The following HPGD variants were observed in gnomAD, a reference collection of about 807,000 sequenced individuals.
HPGD encodes 15-hydroxyprostaglandin dehydrogenase [NAD(+)].
Under a neutral mutation model 30.0 loss-of-function variants are expected in HPGD, and 29 were observed. That is an observed-to-expected ratio of 0.97 (90% CI 0.72 to 1.32). The LOEUF is 1.32. Among genes scored for constraint, HPGD ranks in the 40% most tolerant of loss-of-function variants. The pLI, the probability that HPGD is intolerant of heterozygous loss-of-function variation, is 0.00. For missense variants in HPGD, 340 were observed against 322.1 expected (o/e 1.06, Z -0.43); for synonymous variants, 99 against 112.4 (o/e 0.88, Z 0.75).
intron 4 of HPGD, among the ~76,000 whole-genome samples, chr4:174,501,423 C>G (rs922642474): frequency 2.0e-5 from 3 of 152,054 alleles, no homozygotes; most frequent in African/African-American, 4.8e-5. Flanking sequence ...TGTGAGAAAT[C>G]CTGTGTGCTT....
chr4:174,504,884 A>G (rs2110817957), intron 4 of HPGD, among the ~76,000 whole-genome samples: 2 of 152,328 alleles, frequency 1.3e-5, no homozygotes, highest in South Asian at 2.1e-4. Context: ...AGATGTTTTA[A>G]TGGAGCATAG....
At chr4:174,512,518 A>G (rs780419493) in intron 3 of HPGD, among the ~76,000 whole-genome samples, 1 of 152,236 alleles carries the variant, frequency 6.6e-6, no homozygotes, top group East Asian at 1.9e-4. Flanking sequence ...ATGGAATTGT[A>G]TAAGACCCAA....
In HPGD at chr4:174,493,262, C is replaced by T; in HGVS notation, c.551G>A (p.Gly184Asp). The change falls in exon 6 of 7, where the codon GGC becomes GAC. Residue 184 changes from glycine (G) to aspartate (D), a missense_variant. By Grantham distance (94) the Gly-to-Asp change is moderately conservative. Coordinates refer to ENST00000296522, the MANE Select transcript of HPGD (RefSeq NM_000860.6). Reference protein sequence around the residue: ...SGVRLNAICPGFVNTAILESI... With the variant: ...SGVRLNAICPDFVNTAILESI... ...TTCAAGGATGGCTGTGTTAACAAAG[C>T]CTGGACAAATGGCATTCAGTCTCAC... 6.2e-7 allele frequency: 1 copy of T among 1,613,274 alleles called. No individual in the cohort carries two copies. Among genetic ancestry groups the T allele is most frequent in the African/African-American group, 1.3e-5 (1 of 74,978 alleles).
chr4:174,495,200 G>T (rs968833602), intron 5 of HPGD, among the ~76,000 whole-genome samples: 2 of 151,934 alleles, frequency 1.3e-5, no homozygotes, highest in Admixed American at 6.6e-5. Context: ...TATCTCTGGT[G>T]ACAAATAATG....
At chr4:174,516,409 T>G (rs1332428168) in intron 3 of HPGD, among the ~76,000 whole-genome samples, 1 of 152,102 alleles carries the variant, frequency 6.6e-6, no homozygotes, top group Non-Finnish European at 1.5e-5. Context: ...TACCTCATGT[T>G]CTCACTTACA....
chr4:174,500,291 C>T (rs192707102), intron 4 of HPGD, among the ~76,000 whole-genome samples: 2 of 152,320 alleles, frequency 1.3e-5, no homozygotes. Flanking sequence ...GAAACAAGAA[C>T]TCCAATTCAT....
rs904382491 is a variant in HPGD at position 174,493,085 on chromosome 4, T to C, written c.662+66A>G. The C allele has an allele frequency of 3.7e-5, 52 of 1,396,038 alleles. No homozygotes were observed. The Admixed American group carries it at 1.0e-3, about 28-fold the overall frequency. 86.5% of individuals were successfully genotyped at this position (1,396,038 alleles called of 1,614,324 possible). A position where few individuals can be genotyped will look rare whatever the true frequency, so the allele number is the denominator to read the frequency against. On this transcript the variant is annotated intron_variant, in intron 6 of 6. Coordinates refer to ENST00000296522, the MANE Select transcript of HPGD (RefSeq NM_000860.6). ...ACTGTATAAGCTTATTTCTTCCCTTTTTATAGCTTATCTAAATAATGCTTT... is the reference window on the plus strand; with the variant it reads ...ACTGTATAAGCTTATTTCTTCCCTTCTTATAGCTTATCTAAATAATGCTTT...
intron 4 of HPGD, 84 bp downstream of exon 4, chr4:174,508,612 T>C: frequency 1.2e-6 from 1 of 831,480 alleles, no homozygotes; most frequent in Middle Eastern, 2.5e-4. Flanking sequence ...CTTGAGCTGA[T>C]AATAAATATG....
chr4:174,506,566 C>T (rs972494708), intron 4 of HPGD, among the ~76,000 whole-genome samples: 3 of 152,180 alleles, frequency 2.0e-5, no homozygotes, highest in Admixed American at 6.5e-5. Context: ...AGATATTTCA[C>T]ACTTCTCCTG....
rs544989121 is a variant in HPGD at position 174,491,889 on chromosome 4, A to T, written c.*67T>A. 34 of 1,340,516 alleles carry T rather than the reference A, an allele frequency of 2.5e-5. No homozygotes were observed. Among genetic ancestry groups the T allele is most frequent in the Non-Finnish European group, 3.6e-5 (34 of 933,542 alleles). 83.0% of individuals were successfully genotyped at this position (1,340,516 alleles called of 1,614,324 possible). On this transcript the variant is annotated 3_prime_UTR_variant, in exon 7 of 7. Coordinates refer to ENST00000296522, the MANE Select transcript of HPGD (RefSeq NM_000860.6). Reference sequence around the variant, plus strand: ...ACATTTCATTTAAAAGCTATATTCAAATGAAGATAGGATCTGAATATAAGC... The same window carrying T: ...ACATTTCATTTAAAAGCTATATTCATATGAAGATAGGATCTGAATATAAGC...
intron 3 of HPGD, among the ~76,000 whole-genome samples, chr4:174,509,948 A>G (rs1735395865): frequency 6.6e-6 from 1 of 151,936 alleles, no homozygotes; most frequent in Non-Finnish European, 1.5e-5. Flanking sequence ...GTGTGATCAA[A>G]TTGATATTTC....
intron 2 of HPGD, 103 bp downstream of exon 2, chr4:174,521,841 G>A: frequency 6.0e-6 from 8 of 1,322,820 alleles, no homozygotes; most frequent in Non-Finnish European, 8.7e-6. Flanking sequence ...TGCTCTCGAG[G>A]AGGCAGCGGA....
chr4:174,495,328 T>A (rs973602026), intron 5 of HPGD: 62 of 569,794 alleles, frequency 1.1e-4, no homozygotes, highest in Middle Eastern at 9.5e-4. Flanking sequence ...ACATTTTTTT[T>A]AAATAACACA....
At chr4:174,505,702 A>G (rs562465721) in intron 4 of HPGD, among the ~76,000 whole-genome samples, 130 of 152,290 alleles carry the variant, frequency 8.5e-4, no homozygotes, top group Non-Finnish European at 1.4e-3. Flanking sequence ...TGGGAAAGGA[A>G]GTAGACTGTC....
intron 1 of HPGD, 51 bp from the exon 2 acceptor site, chr4:174,522,118 C>T (rs754637884): frequency 1.9e-6 from 3 of 1,613,176 alleles, no homozygotes; most frequent in East Asian, 2.2e-5. Context: ...ACGAAATAGA[C>T]GGACAAACAA....
intron 4 of HPGD, among the ~76,000 whole-genome samples, chr4:174,500,149 G>A (rs6835564): frequency 0.67 from 102,375 of 152,058 alleles, 35,539 homozygotes; most frequent in East Asian, 0.83. Flanking sequence ...AACAACAAAC[G>A]AAAAAGAAAA....
At chr4:174,519,865 C>T (rs1364961003) in intron 2 of HPGD, among the ~76,000 whole-genome samples, 2 of 152,206 alleles carry the variant, frequency 1.3e-5, no homozygotes, top group Non-Finnish European at 2.9e-5. Context: ...GTGGTCTCTT[C>T]ACACAGACGC....
At chr4:174,516,325 T>G (rs1014859916) in intron 3 of HPGD, among the ~76,000 whole-genome samples, 12 of 152,094 alleles carry the variant, frequency 7.9e-5, no homozygotes, top group African/African-American at 2.9e-4. Flanking sequence ...AAGGAAATCA[T>G]GTTGGTTGCA....
At chr4:174,519,884 G>A (rs1735996481) in intron 2 of HPGD, among the ~76,000 whole-genome samples, 1 of 152,172 alleles carries the variant, frequency 6.6e-6, no homozygotes. Flanking sequence ...GCGAGTGAAA[G>A]TCTCGATCTC....
Sources: gnomAD v4.1 joint callset for allele counts (sites outside exome capture counted in the v4.1 genomes callset) on GRCh38, gnomAD v4.1.1 for gene constraint, MANE v1.5 for transcripts, NCBI Gene and HGNC (gene_info 2026-07-23, HGNC 2026-07-21) for gene names.